GRID1: variants seen among roughly 807,000 people sequenced by gnomAD.
The protein encoded by GRID1 is glutamate receptor ionotropic, delta-1.
In GRID1, 28 loss-of-function variants were observed where a neutral mutation model predicts 98.0. The ratio of observed to expected loss-of-function variants is 0.29; its 90% CI spans 0.21 to 0.39. The LOEUF is 0.39. Ranked by LOEUF, GRID1 falls within the 10% of genes least tolerant of loss-of-function variation. The pLI is 1.00. For synonymous variants in GRID1, 553 were observed against 538.5 expected, an observed-to-expected ratio of 1.03 and a Z score of -0.37; for missense variants, 1,111 against 1,340.5, an observed-to-expected ratio of 0.83 and a Z score of 2.67.
intron 2 of GRID1, among the ~76,000 whole-genome samples, chr10:86,309,558 G>A (rs1042665795): frequency 1.3e-5 from 2 of 152,144 alleles, no homozygotes; most frequent in African/African-American, 2.4e-5. Context: ...AAGTCCACAT[G>A]GCCTTCTCTG....
chr10:86,206,232 AC>A lies in GRID1; in HGVS notation c.520+131del, dbSNP rs1410058509. ...CCTGACTCATGAAGCTCGAGGTTTG[AC>A]CCTATCACCTGGAGGCCCACTCAGC... On this transcript the variant is annotated intron_variant, in intron 3 of 15. Coordinates refer to ENST00000327946, the MANE Select transcript of GRID1 (RefSeq NM_017551.3). This position sits in a 1 kb window ranked among gnomAD's most constrained non-coding sequence, Gnocchi z 4.1. The A allele has an allele frequency of 2.8e-6, 2 of 726,120 alleles. No homozygotes were observed. The highest frequency in any genetic ancestry group is 5.4e-5 in the East Asian group (2 of 36,732). 45.0% of individuals were successfully genotyped at this position (726,120 alleles called of 1,614,324 possible). A position where few individuals can be genotyped will look rare whatever the true frequency, so the allele number is the denominator to read the frequency against.
At chr10:86,096,138 G>A (rs567089843) in intron 4 of GRID1, among the ~76,000 whole-genome samples, 1 of 152,140 alleles carries the variant, frequency 6.6e-6, no homozygotes, top group Non-Finnish European at 1.5e-5. Context: ...ATATGTGGGA[G>A]CTAAGCTATG....
chr10:85,741,555 T>C (rs1020562112), intron 8 of GRID1, among the ~76,000 whole-genome samples: 3 of 152,082 alleles, frequency 2.0e-5, no homozygotes, highest in Non-Finnish European at 4.4e-5. Context: ...TATATCAGGG[T>C]ACCATCATTT....
chr10:86,050,426 T>A (rs986487651), intron 4 of GRID1, among the ~76,000 whole-genome samples: 2 of 152,214 alleles, frequency 1.3e-5, no homozygotes, highest in African/African-American at 4.8e-5. Flanking sequence ...GCTGAACTTG[T>A]ATAAGAACTC....
At chr10:85,999,999 A>G (rs555188182) in intron 4 of GRID1, among the ~76,000 whole-genome samples, 3 of 152,366 alleles carry the variant, frequency 2.0e-5, no homozygotes, top group Non-Finnish European at 4.4e-5. Flanking sequence ...AGAAGAAATC[A>G]AAGCGTGTAC....
chr10:85,755,938 C>T (rs1187153226), intron 8 of GRID1, among the ~76,000 whole-genome samples: 1 of 152,130 alleles, frequency 6.6e-6, no homozygotes, highest in African/African-American at 2.4e-5. Flanking sequence ...ATGCGCTGGA[C>T]GCCACTGGTA....
chr10:86,045,240 A>G (rs79446719), intron 4 of GRID1, among the ~76,000 whole-genome samples: 10,912 of 152,254 alleles, frequency 0.072, 465 homozygotes, highest in African/African-American at 0.11. Context: ...AGGGTTATGC[A>G]ACTATTAATG....
chr10:86,055,256 G>C (rs1240359640), intron 4 of GRID1, among the ~76,000 whole-genome samples: 1 of 152,184 alleles, frequency 6.6e-6, no homozygotes, highest in African/African-American at 2.4e-5. Context: ...ATAAATAACT[G>C]GATACAGGTG....
At chr10:86,020,942 A>G (rs1189537755) in intron 4 of GRID1, among the ~76,000 whole-genome samples, 1 of 152,252 alleles carries the variant, frequency 6.6e-6, no homozygotes, top group Non-Finnish European at 1.5e-5. Flanking sequence ...ATGAACACAC[A>G]GAGATGAGAA....
At chr10:85,919,755 C>T (rs972395862) in intron 4 of GRID1, among the ~76,000 whole-genome samples, 7 of 152,230 alleles carry the variant, frequency 4.6e-5, no homozygotes, top group Admixed American at 2.6e-4. Context: ...ACATTGGAAT[C>T]CCAGTTCTGC....
intron 4 of GRID1, among the ~76,000 whole-genome samples, chr10:86,023,062 C>A (rs969304353): frequency 1.3e-5 from 2 of 152,260 alleles, no homozygotes; most frequent in African/African-American, 4.8e-5. Flanking sequence ...GCAGCTCTCC[C>A]AGCCTCCAAA....
chr10:86,334,344 G>A (rs189478452), intron 2 of GRID1, among the ~76,000 whole-genome samples: 1 of 152,236 alleles, frequency 6.6e-6, no homozygotes, highest in Admixed American at 6.5e-5. Flanking sequence ...GTGGATGGGG[G>A]TGGGGATCGC....
chr10:85,689,820 T>C (rs1013720456), intron 12 of GRID1, among the ~76,000 whole-genome samples: 1 of 152,206 alleles, frequency 6.6e-6, no homozygotes, highest in African/African-American at 2.4e-5. Context: ...GTAGAGAATA[T>C]AAACTTGAAT....
intron 7 of GRID1, 60 bp downstream of exon 7, chr10:85,855,969 A>G (rs558355443): frequency 1.3e-6 from 2 of 1,493,664 alleles, no homozygotes; most frequent in Admixed American, 3.4e-5. Flanking sequence ...AGGGGAACAC[A>G]GTGGAGGTAT....
At chr10:86,152,315 C>T (rs1031717077) in intron 3 of GRID1, among the ~76,000 whole-genome samples, 1 of 152,158 alleles carries the variant, frequency 6.6e-6, no homozygotes, top group African/African-American at 2.4e-5. Flanking sequence ...AGAAGGATAG[C>T]CACAGTGGCA....
At chr10:86,306,302 G>T (rs1589443911) in intron 2 of GRID1, among the ~76,000 whole-genome samples, 1 of 152,240 alleles carries the variant, frequency 6.6e-6, no homozygotes, top group East Asian at 1.9e-4. Flanking sequence ...CAAGGACTGA[G>T]TATTCATGGG....
At chr10:85,810,116 C>T (rs1842657629) in intron 8 of GRID1, among the ~76,000 whole-genome samples, 1 of 149,584 alleles carries the variant, frequency 6.7e-6, no homozygotes, top group African/African-American at 2.5e-5. Flanking sequence ...CATGGGATTC[C>T]ACCATCTTTC....
At chr10:86,154,963 G>A (rs911549836) in intron 3 of GRID1, among the ~76,000 whole-genome samples, 2 of 152,178 alleles carry the variant, frequency 1.3e-5, no homozygotes, top group African/African-American at 4.8e-5. Flanking sequence ...CCACTTTACA[G>A]ATAGCAAAAT....
intron 8 of GRID1, among the ~76,000 whole-genome samples, chr10:85,798,218 A>G (rs1188380134): frequency 1.3e-5 from 2 of 152,234 alleles, no homozygotes; most frequent in Non-Finnish European, 2.9e-5. Context: ...CAGTGATTGG[A>G]AAAAATATCT....
Sources: gnomAD v4.1 joint callset for allele counts (sites outside exome capture counted in the v4.1 genomes callset) on GRCh38, gnomAD v4.1.1 for gene constraint, Gnocchi (gnomAD v3.1) non-coding constraint, MANE v1.5 for transcripts, NCBI Gene and HGNC (gene_info 2026-07-23, HGNC 2026-07-21) for gene names.